KALRN: variants seen among roughly 807,000 people sequenced by gnomAD.
The protein encoded by KALRN is kalirin.
KALRN carries 70 observed loss-of-function variants against 353.7 expected under a neutral mutation model. The observed-to-expected ratio is 0.20, with a 90% CI of 0.16 to 0.24. The LOEUF is 0.24. Ranked by LOEUF, KALRN falls within the 10% of genes least tolerant of loss-of-function variation. KALRN has a pLI of 1.00. For missense variants in KALRN, 2,791 were observed against 3,756.7 expected, an observed-to-expected ratio of 0.74 and a Z score of 6.72; for synonymous variants, 1,391 against 1,434.8, an observed-to-expected ratio of 0.97 and a Z score of 0.69.
chr3:124,631,573 C>G lies in KALRN; in HGVS notation c.5183-847C>G, dbSNP rs1578488765. On this transcript the variant is annotated intron_variant, in intron 34 of 59. Transcript: ENST00000682506. Reference sequence around the variant, plus strand: ...ATTGGCCCTTCCAGCAAAACATCTCCAGAATCTGATCACTTCTAACAACCA... The same window carrying G: ...ATTGGCCCTTCCAGCAAAACATCTCGAGAATCTGATCACTTCTAACAACCA... Among the ~76,000 whole-genome samples the G allele has an allele frequency of 2.6e-5, 4 of 152,280 alleles. No homozygotes were observed. The East Asian group carries it at 7.7e-4, about 29-fold the overall frequency.
chr3:124,624,742 A>G (rs1185776310), intron 34 of KALRN, among the ~76,000 whole-genome samples: 1 of 152,234 alleles, frequency 6.6e-6, no homozygotes, highest in African/African-American at 2.4e-5. Flanking sequence ...TGTGCTGCTT[A>G]AACTTCCAAA....
At position 124,298,886 on chromosome 3, in the gene KALRN, G is replaced by A. The variant is rs1241492535; in HGVS notation, c.1065G>A (p.Gln355=). The A allele has an allele frequency of 6.2e-7, 1 of 1,614,194 alleles. No individual in the cohort carries two copies. The highest frequency in any genetic ancestry group is 1.1e-5 in the South Asian group (1 of 91,080). Residue 355 remains glutamine, a synonymous_variant, in exon 6 of 60, where the codon CAG becomes CAA. Coordinates refer to ENST00000682506, the MANE Select transcript of KALRN (RefSeq NM_001388419.1). ...SYQYALDLQT[Q]HNHFAMNSMN... ...AGTACGCCCTTGACCTCCAGACGCA[G>A]CACAATCACTTTGCCATGAACTCCA...
At chr3:124,152,554 TTTCTTTTC>T in intron 1 of KALRN, 3 of 632,168 alleles carry the variant, frequency 4.7e-6, no homozygotes, top group South Asian at 3.5e-5. Context: ...TTCTTTTTCT[TTTCTTTTC>T]TTTTCTTTTC....
intron 3 of KALRN, among the ~76,000 whole-genome samples, chr3:124,251,335 C>T (rs550328469): frequency 8.1e-5 from 12 of 148,650 alleles, no homozygotes; most frequent in South Asian, 4.3e-4. Flanking sequence ...CTGTTTGCGG[C>T]GTGGCATGGC....
intron 8 of KALRN, among the ~76,000 whole-genome samples, chr3:124,330,246 T>TCTCTCACACACA (rs1421313474): frequency 6.7e-5 from 9 of 134,382 alleles, no homozygotes; most frequent in African/African-American, 1.1e-4. Flanking sequence ...TCTCTCTCTC[T>TCTCTCACACACA]CACACACACA....
chr3:124,408,880 C>T (rs1440263086), intron 13 of KALRN, among the ~76,000 whole-genome samples: 1 of 152,222 alleles, frequency 6.6e-6, no homozygotes, highest in Admixed American at 6.5e-5. Flanking sequence ...CTCAAGGTGA[C>T]TGCTAAACCA....
intron 45 of KALRN, among the ~76,000 whole-genome samples, chr3:124,664,368 T>C (rs2651622): frequency 0.23 from 30,371 of 131,498 alleles, 3,574 homozygotes; most frequent in Admixed American, 0.29. Flanking sequence ...TGTGTGTGTG[T>C]GTGCGCGCGC....
At chr3:124,527,178 A>C (rs2067661218) in intron 33 of KALRN, among the ~76,000 whole-genome samples, 1 of 152,246 alleles carries the variant, frequency 6.6e-6, no homozygotes, top group South Asian at 2.1e-4. Context: ...GCTACAGAGC[A>C]CTAGGAAATT....
intron 10 of KALRN, among the ~76,000 whole-genome samples, chr3:124,361,829 G>C: frequency 6.6e-6 from 1 of 151,498 alleles, no homozygotes; most frequent in Non-Finnish European, 1.5e-5. Context: ...AGTAGTGATG[G>C]TGGCAGCAGT....
intron 34 of KALRN, among the ~76,000 whole-genome samples, chr3:124,606,169 CAGAG>C (rs2077328454): frequency 6.6e-6 from 1 of 152,192 alleles, no homozygotes; most frequent in African/African-American, 2.4e-5. Flanking sequence ...TCAGAAAACA[CAGAG>C]AGAAATAAAA....
At chr3:124,392,695 C>G (rs2089599748) in intron 11 of KALRN, among the ~76,000 whole-genome samples, 1 of 150,084 alleles carries the variant, frequency 6.7e-6, no homozygotes, top group Non-Finnish European at 1.5e-5. Flanking sequence ...ACCTCCGCCT[C>G]CTGGGTTCAA....
At chr3:124,292,038 T>C (rs1024616313) in intron 5 of KALRN, among the ~76,000 whole-genome samples, 8 of 152,176 alleles carry the variant, frequency 5.3e-5, no homozygotes, top group Admixed American at 1.3e-4. Flanking sequence ...TGTCACATTC[T>C]TTCAGTAAGG....
intron 9 of KALRN, among the ~76,000 whole-genome samples, chr3:124,336,230 G>A (rs1262159769): frequency 6.6e-6 from 1 of 152,158 alleles, no homozygotes; most frequent in East Asian, 1.9e-4. Flanking sequence ...CACTACTGAT[G>A]TGCTGGCTGC....
intron 37 of KALRN, among the ~76,000 whole-genome samples, chr3:124,645,435 C>T (rs760821938): frequency 9.2e-5 from 14 of 152,254 alleles, no homozygotes; most frequent in Non-Finnish European, 1.6e-4. Flanking sequence ...CCTAGGTTTT[C>T]TTCTAGGGTT....
intron 1 of KALRN, among the ~76,000 whole-genome samples, chr3:124,086,309 TTGTGTG>T (rs59443298): frequency 0.016 from 2,202 of 141,810 alleles, 41 homozygotes; most frequent in African/African-American, 0.047. Flanking sequence ...GGTTGTTTTG[TTGTGTG>T]TGTGTGTGTG....
intron 10 of KALRN, among the ~76,000 whole-genome samples, chr3:124,370,659 C>T (rs530202115): frequency 1.3e-3 from 192 of 152,300 alleles, no homozygotes; most frequent in African/African-American, 4.3e-3. Context: ...ATTTCTTTTA[C>T]AATTCTTCAA....
At chr3:124,045,997 AT>A (rs1157332753) in intron 1 of KALRN, among the ~76,000 whole-genome samples, 1 of 152,240 alleles carries the variant, frequency 6.6e-6, no homozygotes, top group African/African-American at 2.4e-5. Flanking sequence ...TAAGATGGTA[AT>A]CAAAAGGACA....
At chr3:124,470,771 G>GT (rs2060809508) in intron 25 of KALRN, among the ~76,000 whole-genome samples, 1 of 152,072 alleles carries the variant, frequency 6.6e-6, no homozygotes, top group Admixed American at 6.6e-5. Flanking sequence ...TTTTCCAAGA[G>GT]TGTTCCTTGA....
chr3:124,616,894 G>A, intron 34 of KALRN, among the ~76,000 whole-genome samples: 1 of 151,546 alleles, frequency 6.6e-6, no homozygotes, highest in Admixed American at 6.6e-5. Context: ...GAACCCAGGA[G>A]GCGGAGCTTG....
Sources: gnomAD v4.1 joint callset for allele counts (sites outside exome capture counted in the v4.1 genomes callset) on GRCh38, gnomAD v4.1.1 for gene constraint, MANE v1.5 for transcripts, NCBI Gene and HGNC (gene_info 2026-07-23, HGNC 2026-07-21) for gene names.